Variants in FILIP1 observed in about 807,000 individuals in gnomAD.
The protein encoded by FILIP1 is filamin A interacting protein 1.
A neutral mutation model predicts 102.1 loss-of-function variants in FILIP1; 61 were observed. The observed-to-expected ratio is 0.60, with a 90% confidence interval of 0.49 to 0.74. The LOEUF (loss-of-function observed/expected upper bound fraction) is 0.74. FILIP1 is among the 30% of genes least tolerant of loss of function. The pLI, the probability that FILIP1 is intolerant of heterozygous loss-of-function variation, is 0.00. For missense variants in FILIP1, 1,314 were observed against 1,441.2 expected (o/e 0.91, Z 1.43); for synonymous variants, 491 against 526.9 (o/e 0.93, Z 0.93).
intron 1 of FILIP1, among the ~76,000 whole-genome samples, chr6:75,434,891 G>C (rs1332868354): frequency 6.6e-6 from 1 of 152,204 alleles, no homozygotes; most frequent in Non-Finnish European, 1.5e-5. Context: ...AGAGTTTTTA[G>C]CACGAAGGGC....
chr6:75,293,607 T>C (rs1772594753), exon 7 of FILIP1: 1 of 152,154 alleles, frequency 6.6e-6, no homozygotes, highest in African/African-American at 2.4e-5. Context: ...AAGTTCCAAA[T>C]TCATTATAAA....
chr6:75,379,119 C>T (rs1056583604), intron 2 of FILIP1, among the ~76,000 whole-genome samples: 3 of 152,076 alleles, frequency 2.0e-5, no homozygotes, highest in Non-Finnish European at 2.9e-5. Context: ...AAATATTACC[C>T]TTTAAAATGA....
intron 2 of FILIP1, among the ~76,000 whole-genome samples, chr6:75,385,292 T>C (rs1776052927): frequency 1.3e-5 from 2 of 152,188 alleles, no homozygotes; most frequent in African/African-American, 4.8e-5. Context: ...ATTCATATGC[T>C]AATTAATTTT....
At chr6:75,360,066 G>C (rs1355354659) in intron 3 of FILIP1, among the ~76,000 whole-genome samples, 5 of 152,080 alleles carry the variant, frequency 3.3e-5, no homozygotes, top group Non-Finnish European at 7.4e-5. Flanking sequence ...ACCTAACCTC[G>C]AGCTTGCCAT....
chr6:75,490,739 C>T (rs1417441819), intron 1 of FILIP1, among the ~76,000 whole-genome samples: 1 of 151,900 alleles, frequency 6.6e-6, no homozygotes, highest in African/African-American at 2.4e-5. Flanking sequence ...AGAGATACAA[C>T]ATCATTTCCA....
At chr6:75,457,273 C>CA (rs1265569996) in intron 1 of FILIP1, among the ~76,000 whole-genome samples, 1 of 152,196 alleles carries the variant, frequency 6.6e-6, no homozygotes, top group Non-Finnish European at 1.5e-5. Flanking sequence ...TGGCACAACA[C>CA]AAAGACATGT....
At chr6:75,425,832 G>A (rs895841633) in intron 1 of FILIP1, among the ~76,000 whole-genome samples, 1 of 152,062 alleles carries the variant, frequency 6.6e-6, no homozygotes, top group Non-Finnish European at 1.5e-5. Flanking sequence ...AAATATTAAG[G>A]CAAGAAGCAT....
At chr6:75,477,395 A>G (rs1273863339) in intron 1 of FILIP1, among the ~76,000 whole-genome samples, 1 of 152,172 alleles carries the variant, frequency 6.6e-6, no homozygotes, top group Non-Finnish European at 1.5e-5. Flanking sequence ...ATAAGGCATT[A>G]TATATTTCAA....
At chr6:75,317,681 T>C (rs1406995612) in intron 4 of FILIP1, among the ~76,000 whole-genome samples, 1 of 152,184 alleles carries the variant, frequency 6.6e-6, no homozygotes, top group Non-Finnish European at 1.5e-5. Context: ...CACGTTCTCC[T>C]AGCTGTGATT....
At chr6:75,340,861 ATTTTTTTT>A (rs59666589) in intron 4 of FILIP1, among the ~76,000 whole-genome samples, 94 of 94,310 alleles carry the variant, frequency 1.0e-3, no homozygotes, top group Middle Eastern at 6.9e-3. Context: ...ATGCTCAGGA[ATTTTTTTT>A]TTTTTTTTTT....
chr6:75,324,844 A>G (rs1341080815), intron 4 of FILIP1, among the ~76,000 whole-genome samples: 1 of 152,186 alleles, frequency 6.6e-6, no homozygotes, highest in African/African-American at 2.4e-5. Context: ...GGGAAAGTAT[A>G]CCCTGTTCAA....
chr6:75,318,081 T>C (rs1251659328), intron 4 of FILIP1, among the ~76,000 whole-genome samples: 3 of 151,122 alleles, frequency 2.0e-5, no homozygotes, highest in Non-Finnish European at 3.0e-5. Flanking sequence ...TCCCTGCTCC[T>C]TTTTTTTTCA....
intron 2 of FILIP1, among the ~76,000 whole-genome samples, chr6:75,407,389 C>G (rs761626763): frequency 6.6e-6 from 1 of 152,028 alleles, no homozygotes; most frequent in Non-Finnish European, 1.5e-5. Flanking sequence ...CCACACCCAG[C>G]TAATTTTTTT....
rs189541746 is a variant in FILIP1 at position 75,388,689 on chromosome 6, G to T, written c.277-25772C>A. On this transcript the variant is annotated intron_variant, in intron 2 of 5. Coordinates refer to ENST00000237172, the MANE Select transcript of FILIP1 (RefSeq NM_015687.5). ...TTCTTTGGCTCTCTGTCTATTGTTGGTGTATAGGAATGCTTGTGATTTTTG... is the reference window on the plus strand; with the variant it reads ...TTCTTTGGCTCTCTGTCTATTGTTGTTGTATAGGAATGCTTGTGATTTTTG... Among the ~76,000 whole-genome samples the T allele has an allele frequency of 4.1e-3, 629 of 152,172 alleles. 4 individuals carry two copies. The highest frequency in any genetic ancestry group is 0.014 in the African/African-American group (575 of 41,532).
At chr6:75,348,826 C>A (rs1311333431) in intron 4 of FILIP1, among the ~76,000 whole-genome samples, 2 of 152,184 alleles carry the variant, frequency 1.3e-5, no homozygotes, top group African/African-American at 4.8e-5. Context: ...TTCCGAGAGA[C>A]CACTGTGTCA....
At chr6:75,349,863 G>T (rs1338603920) in intron 4 of FILIP1, among the ~76,000 whole-genome samples, 1 of 152,150 alleles carries the variant, frequency 6.6e-6, no homozygotes, top group Non-Finnish European at 1.5e-5. Flanking sequence ...AAAGCCTCGG[G>T]GTCAGCCTCC....
intron 2 of FILIP1, among the ~76,000 whole-genome samples, chr6:75,378,516 T>C (rs1474223877): frequency 2.0e-5 from 3 of 152,168 alleles, no homozygotes; most frequent in Admixed American, 6.6e-5. Flanking sequence ...GATTTAGGGA[T>C]TACAAATAAA....
chr6:75,346,531 G>C (rs1774591420), intron 4 of FILIP1, among the ~76,000 whole-genome samples: 2 of 152,098 alleles, frequency 1.3e-5, no homozygotes, highest in South Asian at 4.1e-4. Flanking sequence ...AGGGGTGCCT[G>C]GTAGATAAGC....
At chr6:75,457,469 A>C (rs1778875315) in intron 1 of FILIP1, among the ~76,000 whole-genome samples, 1 of 152,128 alleles carries the variant, frequency 6.6e-6, no homozygotes, top group Admixed American at 6.5e-5. Flanking sequence ...AGGGTTAGAA[A>C]CTCAAAATCC....
Sources: gnomAD v4.1 joint callset for allele counts (sites outside exome capture counted in the v4.1 genomes callset) on GRCh38, gnomAD v4.1.1 for gene constraint, MANE v1.5 for transcripts, NCBI Gene and HGNC (gene_info 2026-07-23, HGNC 2026-07-21) for gene names.